Variants in HMBOX1 observed in about 807,000 individuals in gnomAD.
HMBOX1 encodes the protein homeobox containing 1, also known as homeobox-containing protein 1.
Under a neutral mutation model 54.5 loss-of-function variants are expected in HMBOX1, and 14 were observed. That is an observed-to-expected ratio of 0.26 (90% CI 0.17 to 0.40). The LOEUF is 0.40. HMBOX1 is among the 10% of genes least tolerant of loss of function. The pLI, the probability that HMBOX1 is intolerant of heterozygous loss-of-function variation, is 1.00. For synonymous variants in HMBOX1, 160 were observed against 181.0 expected (o/e 0.88, Z 0.93); for missense variants, 332 against 514.4 (o/e 0.65, Z 3.43).
At chr8:29,003,097 A>C (rs1832882973) in intron 4 of HMBOX1, among the ~76,000 whole-genome samples, 2 of 145,774 alleles carry the variant, frequency 1.4e-5, no homozygotes, top group African/African-American at 5.1e-5. Flanking sequence ...TTTTTTTTTC[A>C]TTTTTTATCT....
intron 1 of HMBOX1, among the ~76,000 whole-genome samples, chr8:28,952,395 G>A (rs566190169): frequency 3.3e-5 from 5 of 151,872 alleles, no homozygotes; most frequent in East Asian, 1.9e-4. Context: ...CACCGCTTCC[G>A]GCTAATTTTT....
At chr8:29,011,140 G>A (rs368329641) in intron 5 of HMBOX1, among the ~76,000 whole-genome samples, 1 of 152,184 alleles carries the variant, frequency 6.6e-6, no homozygotes, top group African/African-American at 2.4e-5. Context: ...GGATAGCTAT[G>A]TGATAAAGTA....
At chr8:28,958,126 G>T (rs1190617915) in intron 1 of HMBOX1, among the ~76,000 whole-genome samples, 1 of 151,854 alleles carries the variant, frequency 6.6e-6, no homozygotes, top group Non-Finnish European at 1.5e-5. Flanking sequence ...TTATTTCAGG[G>T]TTTGGTTTTA....
At chr8:29,009,901 C>T (rs968779009) in intron 5 of HMBOX1, 32 of 1,110,606 alleles carry the variant, frequency 2.9e-5, no homozygotes, top group Middle Eastern at 4.1e-4. Flanking sequence ...GTGAGCCTGC[C>T]CTCATGTGTA....
intron 9 of HMBOX1, 56 bp from the exon 10 acceptor site, chr8:29,050,962 G>A: frequency 6.4e-7 from 1 of 1,569,140 alleles, no homozygotes; most frequent in East Asian, 2.2e-5. Flanking sequence ...ATGTCTCTCT[G>A]TGACTAAAGA....
At chr8:28,898,795 C>T (rs1444567090) in intron 1 of HMBOX1, among the ~76,000 whole-genome samples, 1 of 152,140 alleles carries the variant, frequency 6.6e-6, no homozygotes, top group Non-Finnish European at 1.5e-5. Context: ...TCTTTTAGTT[C>T]AGTTGGCAAG....
intron 4 of HMBOX1, among the ~76,000 whole-genome samples, chr8:29,003,371 A>G (rs1832919618): frequency 6.6e-6 from 1 of 151,504 alleles, no homozygotes; most frequent in African/African-American, 2.4e-5. Flanking sequence ...CCTTGTAACC[A>G]CTAGAATGAA....
At chr8:29,022,581 T>C (rs1375403634) in intron 6 of HMBOX1, among the ~76,000 whole-genome samples, 1 of 152,200 alleles carries the variant, frequency 6.6e-6, no homozygotes, top group Non-Finnish European at 1.5e-5. Context: ...GAAACCCATG[T>C]AGTGGAGTAC....
At chr8:29,046,246 G>A (rs1380368032) in intron 7 of HMBOX1, 1 of 152,218 alleles carries the variant, frequency 6.6e-6, no homozygotes, top group African/African-American at 2.4e-5. Flanking sequence ...ACACACAAGT[G>A]AAAGGAATCT....
intron 5 of HMBOX1, chr8:29,009,782 G>A (rs1833994854): frequency 1.6e-6 from 2 of 1,272,524 alleles, no homozygotes; most frequent in Admixed American, 5.1e-5. Flanking sequence ...TATGTCTAGA[G>A]TTGGAAGAAG....
rs746386690 is a variant in HMBOX1, at chr8:29,051,108, C to T, written c.1216C>T (p.Arg406Ter). The T allele has an allele frequency of 2.5e-6, 4 of 1,613,570 alleles. No homozygotes were observed. Among genetic ancestry groups the T allele is most frequent in the Non-Finnish European group, 3.4e-6 (4 of 1,179,960 alleles). ...CAACCACACTATCTTGGCATTGGCC[C>T]GACAAGGAGCCAACGAAATCAAGAC... ...AVNHTILALARQGANEIKTEA... is the reference protein window; with the variant it reads ...AVNHTILALA The change falls in exon 10 of 10, where the codon CGA becomes TGA. Residue 406 changes from arginine to a stop codon, truncating the protein, a stop_gained. Coordinates refer to ENST00000287701, the MANE Select transcript of HMBOX1 (RefSeq NM_001135726.3). LOFTEE classifies it high-confidence loss of function.
chr8:29,023,338 A>G (rs1458178617), intron 6 of HMBOX1, among the ~76,000 whole-genome samples: 1 of 152,216 alleles, frequency 6.6e-6, no homozygotes, highest in African/African-American at 2.4e-5. Context: ...GTACAATTTA[A>G]TGCTTTTTAG....
intron 4 of HMBOX1, among the ~76,000 whole-genome samples, chr8:28,983,112 T>A (rs779402424): frequency 6.6e-6 from 1 of 152,238 alleles, no homozygotes; most frequent in Non-Finnish European, 1.5e-5. Context: ...GCCATATCTA[T>A]GGGATTTGGT....
intron 6 of HMBOX1, among the ~76,000 whole-genome samples, chr8:29,042,031 T>A (rs1353170731): frequency 6.6e-6 from 1 of 152,162 alleles, no homozygotes; most frequent in Non-Finnish European, 1.5e-5. Context: ...TAGCAACTAC[T>A]GTATCCCATC....
chr8:28,954,691 A>T (rs560449339), intron 1 of HMBOX1, among the ~76,000 whole-genome samples: 2 of 152,304 alleles, frequency 1.3e-5, no homozygotes, highest in East Asian at 3.9e-4. Flanking sequence ...CTTAAAATGT[A>T]TATACTCTGT....
chr8:29,005,993 T>G (rs1833398346), intron 4 of HMBOX1, among the ~76,000 whole-genome samples: 2 of 146,770 alleles, frequency 1.4e-5, no homozygotes, highest in African/African-American at 5.0e-5. Context: ...GCATTCTATT[T>G]TTTTTTTTTT....
intron 1 of HMBOX1, among the ~76,000 whole-genome samples, chr8:28,957,692 G>A (rs1447495626): frequency 1.3e-5 from 2 of 151,878 alleles, no homozygotes; most frequent in Non-Finnish European, 2.9e-5. Flanking sequence ...GTACGATCTC[G>A]GCTCACTGTA....
chr8:28,917,661 A>G (rs1485298445), intron 1 of HMBOX1, among the ~76,000 whole-genome samples: 1 of 152,154 alleles, frequency 6.6e-6, no homozygotes, highest in Non-Finnish European at 1.5e-5. Flanking sequence ...TTTCATTATT[A>G]AATATGATAT....
chr8:28,937,028 C>G (rs1343732539), intron 1 of HMBOX1, among the ~76,000 whole-genome samples: 1 of 152,066 alleles, frequency 6.6e-6, no homozygotes, highest in Non-Finnish European at 1.5e-5. Flanking sequence ...AATCAGCTGT[C>G]ATCATCTTTC....
Sources: allele counts gnomAD v4.1 joint callset (sites outside exome capture counted in the v4.1 genomes callset), GRCh38; gene constraint gnomAD v4.1.1; transcripts MANE v1.5; gene names NCBI Gene and HGNC (gene_info 2026-07-23, HGNC 2026-07-21).